Variants in PDGFC observed in about 807,000 individuals in gnomAD.
PDGFC encodes platelet derived growth factor C.
Under a neutral mutation model 35.5 loss-of-function variants are expected in PDGFC, and 12 were observed. The observed-to-expected ratio is 0.34, with a 90% CI of 0.22 to 0.55. PDGFC has a LOEUF of 0.55. PDGFC is among the 20% of genes least tolerant of loss of function. PDGFC has a pLI of 0.91. For missense variants in PDGFC, 322 were observed against 412.4 expected (o/e 0.78, Z 1.90); for synonymous variants, 159 against 148.8 (o/e 1.07, Z -0.50).
chr4:156,832,816 G>T (rs1365095009), intron 2 of PDGFC, among the ~76,000 whole-genome samples: 1 of 152,198 alleles, frequency 6.6e-6, no homozygotes, highest in African/African-American at 2.4e-5. Context: ...AGGGCCTGCT[G>T]CTGGACTATA....
chr4:156,775,652 C>T (rs1352728445), intron 3 of PDGFC, among the ~76,000 whole-genome samples: 9 of 151,974 alleles, frequency 5.9e-5, no homozygotes, highest in Non-Finnish European at 1.2e-4. Context: ...CAAAAGAAGG[C>T]AAAACAAGAT....
At chr4:156,794,896 C>T (rs1045955017) in intron 3 of PDGFC, among the ~76,000 whole-genome samples, 8 of 152,226 alleles carry the variant, frequency 5.3e-5, no homozygotes, top group South Asian at 2.1e-4. Flanking sequence ...ATTTAATTTA[C>T]GATTTTCCAA....
At chr4:156,941,921 T>G (rs529867337) in intron 1 of PDGFC, among the ~76,000 whole-genome samples, 20 of 151,952 alleles carry the variant, frequency 1.3e-4, no homozygotes, top group Non-Finnish European at 2.8e-4. Context: ...AAAAATAAAA[T>G]AAAAGAACTT....
At chr4:156,803,627 G>A (rs1731676023) in intron 3 of PDGFC, among the ~76,000 whole-genome samples, 1 of 152,032 alleles carries the variant, frequency 6.6e-6, no homozygotes, top group South Asian at 2.1e-4. Flanking sequence ...CCTACAAAGG[G>A]CAGAAAAATC....
chr4:156,931,954 A>C (rs1047163323), intron 1 of PDGFC, among the ~76,000 whole-genome samples: 1 of 152,186 alleles, frequency 6.6e-6, no homozygotes, highest in Non-Finnish European at 1.5e-5. Flanking sequence ...GCAACATTTA[A>C]AGAGCATCTG....
intron 2 of PDGFC, among the ~76,000 whole-genome samples, chr4:156,846,147 G>A (rs7680655): frequency 0.023 from 3,533 of 151,808 alleles, 130 homozygotes; most frequent in African/African-American, 0.08. Flanking sequence ...TAAAAAAATT[G>A]GGTGATAGAC....
intron 2 of PDGFC, among the ~76,000 whole-genome samples, chr4:156,819,489 G>A (rs1187527342): frequency 6.6e-6 from 1 of 152,134 alleles, no homozygotes; most frequent in African/African-American, 2.4e-5. Flanking sequence ...TGCCTATGCT[G>A]TATCAATGGA....
At chr4:156,824,585 A>G (rs551796980) in intron 2 of PDGFC, among the ~76,000 whole-genome samples, 85 of 152,208 alleles carry the variant, frequency 5.6e-4, no homozygotes, top group Non-Finnish European at 1.1e-3. Flanking sequence ...TACTTGGCTC[A>G]GCATTTCTTT....
chr4:156,812,301 T>C (rs1463491123), intron 2 of PDGFC, among the ~76,000 whole-genome samples: 1 of 152,074 alleles, frequency 6.6e-6, no homozygotes, highest in Non-Finnish European at 1.5e-5. Context: ...TTTATTTTTC[T>C]AGGGTAATTG....
At position 156,956,543 on chromosome 4, in the gene PDGFC, T is replaced by C. The variant is rs906172365; in HGVS notation, c.118+14243A>G. The stretch of plus-strand genomic sequence containing the variant: ...CATTAACCTCCTGCAAATGATCGAT[T>C]GTGGGTGACACGGCATTGGAAAAGC... On this transcript the variant is annotated intron_variant, in intron 1 of 5. Coordinates refer to ENST00000502773, the MANE Select transcript of PDGFC (RefSeq NM_016205.3). Among the ~76,000 whole-genome samples, 4 of 152,108 alleles carry C rather than the reference T, an allele frequency of 2.6e-5. No individual in the cohort carries two copies. The East Asian group carries it at 7.8e-4, about 30-fold the overall frequency.
At chr4:156,826,134 G>A (rs1732465953) in intron 2 of PDGFC, among the ~76,000 whole-genome samples, 1 of 146,072 alleles carries the variant, frequency 6.8e-6, no homozygotes, top group South Asian at 2.3e-4. Context: ...CAAAGGGCTG[G>A]GATTACAGTC....
intron 1 of PDGFC, among the ~76,000 whole-genome samples, chr4:156,951,766 T>C (rs952308381): frequency 6.6e-6 from 1 of 151,558 alleles, no homozygotes; most frequent in Non-Finnish European, 1.5e-5. Context: ...CTCGTTTTCT[T>C]TGAAAGACTT....
chr4:156,895,703 G>A (rs1337782592), intron 1 of PDGFC, among the ~76,000 whole-genome samples: 1 of 151,350 alleles, frequency 6.6e-6, no homozygotes, highest in Non-Finnish European at 1.5e-5. Flanking sequence ...TCCTCAAAGA[G>A]ATGAAAAAAT....
intron 3 of PDGFC, among the ~76,000 whole-genome samples, chr4:156,807,866 T>C (rs535653174): frequency 6.6e-6 from 1 of 152,168 alleles, no homozygotes. Context: ...ATGCAAAATA[T>C]TCATTGGGTT....
intron 1 of PDGFC, among the ~76,000 whole-genome samples, chr4:156,915,603 GC>G (rs1269299258): frequency 2.0e-5 from 3 of 152,030 alleles, no homozygotes; most frequent in African/African-American, 7.2e-5. Flanking sequence ...GACCAGCCTG[GC>G]CAACATTGTG....
Position 156,885,256 on chromosome 4 carries a change from T to C in PDGFC, c.119-34840A>G, listed in dbSNP as rs528063408. On this transcript the variant is annotated intron_variant, in intron 1 of 5. Transcript: ENST00000502773. ...CAGTTCTACTCCATAACAGAAGATA[T>C]ATGTGTGCTTATTTCATCTTGTCTC... Among the ~76,000 whole-genome samples, 9 of 152,234 alleles carry C rather than the reference T, an allele frequency of 5.9e-5. No homozygotes were observed. In the South Asian group the frequency reaches 1.5e-3, roughly 25 times the overall value.
chr4:156,861,793 C>T (rs1362614209), intron 1 of PDGFC, among the ~76,000 whole-genome samples: 1 of 152,114 alleles, frequency 6.6e-6, no homozygotes, highest in Admixed American at 6.6e-5. Flanking sequence ...CCAGATCTTG[C>T]TCATTAACTC....
At chr4:156,825,692 G>T (rs1193403027) in intron 2 of PDGFC, among the ~76,000 whole-genome samples, 1 of 151,332 alleles carries the variant, frequency 6.6e-6, no homozygotes, top group African/African-American at 2.4e-5. Context: ...AATGGCAAGA[G>T]TGTTCCAGGT....
chr4:156,911,570 T>C (rs1304569893), intron 1 of PDGFC, among the ~76,000 whole-genome samples: 3 of 152,126 alleles, frequency 2.0e-5, no homozygotes, highest in Non-Finnish European at 4.4e-5. Flanking sequence ...TTATTTGCTT[T>C]CATTTATTAA....
Sources: gnomAD v4.1 joint callset for allele counts (sites outside exome capture counted in the v4.1 genomes callset) on GRCh38, gnomAD v4.1.1 for gene constraint, MANE v1.5 for transcripts, NCBI Gene and HGNC (gene_info 2026-07-23, HGNC 2026-07-21) for gene names.